The following AGPAT3 variants were observed in gnomAD, a reference collection of about 807,000 sequenced individuals.
AGPAT3 encodes 1-acylglycerol-3-phosphate O-acyltransferase 3.
A neutral mutation model predicts 47.3 loss-of-function variants in AGPAT3; 5 were observed. The ratio of observed to expected loss-of-function variants is 0.11; its 90% CI spans 0.06 to 0.22. The LOEUF (loss-of-function observed/expected upper bound fraction) is 0.22, where lower values mean the gene tolerates loss of function less well. Ranked by LOEUF, AGPAT3 falls within the 10% of genes least tolerant of loss-of-function variation. AGPAT3 has a pLI of 1.00. For missense variants in AGPAT3, 315 were observed against 493.0 expected (o/e 0.64, Z 3.42); for synonymous variants, 212 against 208.3 (o/e 1.02, Z -0.15).
intron 1 of AGPAT3, among the ~76,000 whole-genome samples, chr21:43,883,705 T>C (rs1321408570): frequency 6.6e-6 from 1 of 152,238 alleles, no homozygotes; most frequent in Admixed American, 6.5e-5. Context: ...GCGATTCTCC[T>C]GCCTCAGGCA....
At chr21:43,907,666 G>A (rs2086533868) in intron 2 of AGPAT3, among the ~76,000 whole-genome samples, 1 of 152,148 alleles carries the variant, frequency 6.6e-6, no homozygotes, top group East Asian at 1.9e-4. Context: ...GTGGTGAGCC[G>A]AGATCGCGCC....
At chr21:43,919,621 G>A (rs1057374006) in intron 2 of AGPAT3, among the ~76,000 whole-genome samples, 2 of 152,114 alleles carry the variant, frequency 1.3e-5, no homozygotes, top group African/African-American at 4.8e-5. Flanking sequence ...GTCTTTTTCC[G>A]CTCATGGCTT....
At position 43,982,246 on chromosome 21, in the gene AGPAT3, A is replaced by T; in HGVS notation, c.1043-58A>T. 1 of 1,368,562 alleles carries T rather than the reference A, an allele frequency of 7.3e-7. No homozygotes were observed. The highest frequency in any genetic ancestry group is 1.0e-6 in the Non-Finnish European group (1 of 965,594). The allele number at this position is 1,368,562 out of a possible 1,614,324, so 84.8% of individuals were successfully genotyped here. A position where few individuals can be genotyped will look rare whatever the true frequency, so the allele number is the denominator to read the frequency against. ...GAAGGAAGCCCCAGTAACACGTTTT[A>T]CAGCAAAAAGGCAAAGTCATCCGTC... On this transcript the variant is annotated intron_variant, in intron 9 of 9. Transcript: ENST00000291572. The surrounding 1 kb of genome is among the most constrained non-coding windows in gnomAD (Gnocchi z 6.2).
At chr21:43,898,325 A>G (rs1224084912) in intron 1 of AGPAT3, among the ~76,000 whole-genome samples, 1 of 151,992 alleles carries the variant, frequency 6.6e-6, no homozygotes. Flanking sequence ...TTTTTGAGTC[A>G]ACTATTGATC....
rs142596692 is a variant in AGPAT3 at position 43,985,273 on chromosome 21, C to T, written c.*2881C>T. ...TGGTACTCGGCGACAGTGTACCAGA[C>T]GCGCACCCTATGTGAGGTGCTTTAA... On this transcript the variant is annotated 3_prime_UTR_variant, in exon 10 of 10. Coordinates refer to ENST00000291572, the MANE Select transcript of AGPAT3 (RefSeq NM_020132.5). 4.4e-4 allele frequency: 201 copies of T among 455,492 alleles called. 1 individual carries two copies. Among genetic ancestry groups the T allele is most frequent in the Middle Eastern group, 9.8e-4 (3 of 3,066 alleles). The allele number at this position is 455,492 out of a possible 1,614,324, so 28.2% of individuals were successfully genotyped here.
chr21:43,986,769 G>A lies in AGPAT3; in HGVS notation c.*4377G>A, dbSNP rs192228352. On this transcript the variant is annotated 3_prime_UTR_variant, in exon 10 of 10. Coordinates refer to ENST00000291572, the MANE Select transcript of AGPAT3 (RefSeq NM_020132.5). ...TTTCTATGATTGAAAATCTGCCATC[G>A]CTGACTGTTGGCCAGTTTCAAAGGG... Among the ~76,000 whole-genome samples, 5 of 152,330 alleles carry A rather than the reference G, an allele frequency of 3.3e-5. No individual in the cohort carries two copies. Among genetic ancestry groups the A allele is most frequent in the East Asian group, 1.9e-4 (1 of 5,194 alleles).
intron 2 of AGPAT3, among the ~76,000 whole-genome samples, chr21:43,938,158 G>A (rs1215272725): frequency 2.0e-5 from 3 of 151,728 alleles, no homozygotes; most frequent in Non-Finnish European, 2.9e-5. Flanking sequence ...TCACTGTTGG[G>A]TTTCTTGGGC....
chr21:43,890,639 C>T (rs957355447), intron 1 of AGPAT3, among the ~76,000 whole-genome samples: 2 of 151,464 alleles, frequency 1.3e-5, no homozygotes, highest in African/African-American at 2.4e-5. Flanking sequence ...ACTTGAACAC[C>T]TAGGCTCAAG....
intron 4 of AGPAT3, among the ~76,000 whole-genome samples, chr21:43,968,405 G>C (rs1212543785): frequency 2.0e-5 from 3 of 151,718 alleles, no homozygotes; most frequent in Non-Finnish European, 2.9e-5. Flanking sequence ...GGGAGGATCT[G>C]GGGGAGTAGG....
At chr21:43,877,900 C>G (rs1316128983) in intron 1 of AGPAT3, among the ~76,000 whole-genome samples, 3 of 152,056 alleles carry the variant, frequency 2.0e-5, no homozygotes, top group Non-Finnish European at 4.4e-5. Flanking sequence ...CTTCCTCCAT[C>G]TCCCACACCC....
chr21:43,873,335 A>G (rs1372561694), intron 1 of AGPAT3, among the ~76,000 whole-genome samples: 1 of 152,190 alleles, frequency 6.6e-6, no homozygotes, highest in African/African-American at 2.4e-5. Flanking sequence ...GGGTGGAAGG[A>G]GTGAGCCGCA....
At chr21:43,927,109 G>C (rs34410951) in intron 2 of AGPAT3, among the ~76,000 whole-genome samples, 1 of 151,872 alleles carries the variant, frequency 6.6e-6, no homozygotes, top group East Asian at 1.9e-4. Flanking sequence ...GCCAATACCA[G>C]ATTTGAACAG....
intron 2 of AGPAT3, among the ~76,000 whole-genome samples, chr21:43,947,583 G>A (rs3788086): frequency 0.28 from 42,610 of 152,102 alleles, 7,127 homozygotes; most frequent in South Asian, 0.38. Context: ...GTTTGCTGAA[G>A]TGCTCCATGG....
chr21:43,973,151 G>A (rs2089465041), intron 7 of AGPAT3, among the ~76,000 whole-genome samples: 1 of 152,254 alleles, frequency 6.6e-6, no homozygotes, highest in Non-Finnish European at 1.5e-5. Flanking sequence ...TTCAAGGACT[G>A]GCTGATTAGA....
chr21:43,940,289 G>A (rs1028177657), intron 2 of AGPAT3, among the ~76,000 whole-genome samples: 5 of 152,272 alleles, frequency 3.3e-5, no homozygotes, highest in African/African-American at 1.2e-4. Flanking sequence ...TCAGGGATCT[G>A]TGTGGCCCTG....
intron 1 of AGPAT3, among the ~76,000 whole-genome samples, chr21:43,873,924 TAC>T (rs2085678293): frequency 6.6e-6 from 1 of 152,250 alleles, no homozygotes; most frequent in Non-Finnish European, 1.5e-5. Context: ...GATTTCCTTC[TAC>T]ACTCTTTGGG....
chr21:43,890,627 G>A (rs1255622534), intron 1 of AGPAT3, among the ~76,000 whole-genome samples: 1 of 151,270 alleles, frequency 6.6e-6, no homozygotes, highest in Non-Finnish European at 1.5e-5. Context: ...TGCCCAGGCT[G>A]AACTTGAACA....
Position 43,868,262 on chromosome 21 carries a change from A to G in AGPAT3, c.-112+2917A>G, listed in dbSNP as rs964600038. On this transcript the variant is annotated intron_variant, in intron 1 of 9. Transcript: ENST00000291572. ...CATGGATGCTGGGGTTAAATTGGCC[A>G]CGTCTTTTCCCAAGCCTAGGTAGAA... Among the ~76,000 whole-genome samples, 3 of 152,260 alleles carry G rather than the reference A, an allele frequency of 2.0e-5. No homozygotes were observed. The South Asian group carries it at 6.2e-4, about 31-fold the overall frequency.
intron 7 of AGPAT3, among the ~76,000 whole-genome samples, chr21:43,976,103 T>C (rs2089612575): frequency 1.3e-5 from 2 of 151,990 alleles, no homozygotes; most frequent in South Asian, 4.1e-4. Flanking sequence ...AGTCTCGCTC[T>C]GTCACCCAGG....
Sources: gnomAD v4.1 joint callset for allele counts (sites outside exome capture counted in the v4.1 genomes callset) on GRCh38, gnomAD v4.1.1 for gene constraint, Gnocchi (gnomAD v3.1) non-coding constraint, MANE v1.5 for transcripts, NCBI Gene and HGNC (gene_info 2026-07-23, HGNC 2026-07-21) for gene names.